RGS8: variants seen among roughly 807,000 people sequenced by gnomAD.
RGS8 encodes the protein regulator of G-protein signaling 8.
A neutral mutation model predicts 21.7 loss-of-function variants in RGS8; 8 were observed. That is an observed-to-expected ratio of 0.37 (90% confidence interval 0.22 to 0.66). The LOEUF (loss-of-function observed/expected upper bound fraction) is 0.66, where lower values mean the gene tolerates loss of function less well. RGS8 is among the 30% of genes least tolerant of loss of function. The pLI is 0.59. For synonymous variants in RGS8, 80 were observed against 83.6 expected (o/e 0.96, Z 0.24); for missense variants, 157 against 217.9 (o/e 0.72, Z 1.76).
At chr1:182,724,694 A>G in the RGS8 span, among the ~76,000 whole-genome samples, 1,606 of 152,098 alleles carry the variant, frequency 0.011, 25 homozygotes, top group African/African-American at 0.037. Context: ...AGTAGCTGGG[A>G]TTACAGGCGC....
At chr1:182,719,235 C>A in the RGS8 span, among the ~76,000 whole-genome samples, 1 of 152,278 alleles carries the variant, frequency 6.6e-6, no homozygotes, top group East Asian at 1.9e-4. Context: ...CACGCTCATT[C>A]TTCCTTTATC....
chr1:182,715,199 C>A, the RGS8 span, among the ~76,000 whole-genome samples: 1 of 152,186 alleles, frequency 6.6e-6, no homozygotes, highest in African/African-American at 2.4e-5. Flanking sequence ...GCTTATTCAG[C>A]AGCTCAGCAG....
At chr1:182,742,235 G>C in the RGS8 span, among the ~76,000 whole-genome samples, 1 of 150,088 alleles carries the variant, frequency 6.7e-6, no homozygotes, top group Non-Finnish European at 1.5e-5. Context: ...GCCGGGCAGA[G>C]ATGCTCCTCA....
intron 5 of RGS8, among the ~76,000 whole-genome samples, chr1:182,665,632 G>A (rs1663819470): frequency 6.6e-6 from 1 of 152,136 alleles, no homozygotes; most frequent in African/African-American, 2.4e-5. Flanking sequence ...CTACAAACAA[G>A]ATCTGGCTGG....
At chr1:182,729,285 G>A in the RGS8 span, among the ~76,000 whole-genome samples, 1 of 152,204 alleles carries the variant, frequency 6.6e-6, no homozygotes, top group Non-Finnish European at 1.5e-5. Context: ...GTCTGGACTG[G>A]TGAATTCTAA....
At chr1:182,677,334 C>T (rs926273362), upstream of RGS8, among the ~76,000 whole-genome samples, 4 of 152,204 alleles carry the variant, frequency 2.6e-5, no homozygotes, top group African/African-American at 4.8e-5. Flanking sequence ...TCTTGACAAA[C>T]GGCAAATAGC....
chr1:182,725,235 C>A, the RGS8 span, among the ~76,000 whole-genome samples: 1 of 152,184 alleles, frequency 6.6e-6, no homozygotes, highest in East Asian at 1.9e-4. Flanking sequence ...TCTGTTAGAG[C>A]CTAGTACACA....
At chr1:182,743,780 CAT>C in the RGS8 span, among the ~76,000 whole-genome samples, 1,881 of 152,294 alleles carry the variant, frequency 0.012, 23 homozygotes, top group East Asian at 0.066. Flanking sequence ...AAATAGAAAA[CAT>C]GTGTATACAC....
chr1:182,743,838 G>A, the RGS8 span, among the ~76,000 whole-genome samples: 1 of 152,124 alleles, frequency 6.6e-6, no homozygotes, highest in East Asian at 1.9e-4. Flanking sequence ...CATGCATATA[G>A]ACATGCTACA....
At chr1:182,708,291 C>T in the RGS8 span, among the ~76,000 whole-genome samples, 1 of 152,190 alleles carries the variant, frequency 6.6e-6, no homozygotes, top group African/African-American at 2.4e-5. Context: ...CACAATGTGA[C>T]CTGGAAAGGA....
chr1:182,707,487 A>C, the RGS8 span, among the ~76,000 whole-genome samples: 1 of 152,158 alleles, frequency 6.6e-6, no homozygotes, highest in Non-Finnish European at 1.5e-5. Flanking sequence ...ATATTTGTCA[A>C]ACCATTCTGC....
the RGS8 span, among the ~76,000 whole-genome samples, chr1:182,739,297 A>C: frequency 6.6e-6 from 1 of 152,172 alleles, no homozygotes; most frequent in African/African-American, 2.4e-5. Context: ...AACCCAAAAG[A>C]TGGCTTTCTG....
At chr1:182,650,584 G>A (rs1443861152) in intron 5 of RGS8, among the ~76,000 whole-genome samples, 2 of 152,164 alleles carry the variant, frequency 1.3e-5, no homozygotes, top group Non-Finnish European at 2.9e-5. Flanking sequence ...AGGAATGGCC[G>A]GGTGCAGTTG....
At chr1:182,747,178 G>C in the RGS8 span, among the ~76,000 whole-genome samples, 2 of 148,706 alleles carry the variant, frequency 1.3e-5, no homozygotes, top group Admixed American at 6.8e-5. Context: ...GGGATTACAG[G>C]CCTGAGCCAC....
intron 6 of RGS8, among the ~76,000 whole-genome samples, chr1:182,647,193 G>C (rs1287635596): frequency 6.6e-6 from 1 of 152,236 alleles, no homozygotes; most frequent in Non-Finnish European, 1.5e-5. Context: ...GTTAGTAACA[G>C]AGCCAAGGCA....
chr1:182,730,135 A>G, the RGS8 span, among the ~76,000 whole-genome samples: 1 of 152,170 alleles, frequency 6.6e-6, no homozygotes, highest in Admixed American at 6.5e-5. Flanking sequence ...CTTCCTTTTC[A>G]TATCTTTTTC....
chr1:182,713,708 G>C, the RGS8 span, among the ~76,000 whole-genome samples: 2 of 152,118 alleles, frequency 1.3e-5, no homozygotes, highest in Non-Finnish European at 2.9e-5. Flanking sequence ...ACTAGCAATT[G>C]TTTAAATGCT....
At chr1:182,724,246 A>ATATATC in the RGS8 span, among the ~76,000 whole-genome samples, 40 of 107,144 alleles carry the variant, frequency 3.7e-4, no homozygotes, top group Middle Eastern at 5.0e-3. Context: ...ATATATATAT[A>ATATATC]TCCTATTATT....
the RGS8 span, among the ~76,000 whole-genome samples, chr1:182,692,831 C>T: frequency 7.2e-5 from 11 of 152,112 alleles, no homozygotes; most frequent in Non-Finnish European, 2.9e-5. Context: ...GCTGCACACC[C>T]ACAACCTTCT....
Sources: gnomAD v4.1 joint callset for allele counts (sites outside exome capture counted in the v4.1 genomes callset) on GRCh38, gnomAD v4.1.1 for gene constraint, MANE v1.5 for transcripts, NCBI Gene and HGNC (gene_info 2026-07-23, HGNC 2026-07-21) for gene names.